Variants in TMEM101 observed in about 807,000 individuals in gnomAD.
TMEM101 encodes the protein transmembrane protein 101.
Under a neutral mutation model 26.0 loss-of-function variants are expected in TMEM101, and 14 were observed. That is an observed-to-expected ratio of 0.54 (90% CI 0.36 to 0.84). The LOEUF is 0.84. Ranked by LOEUF, TMEM101 falls within the 40% of genes least tolerant of loss-of-function variation. The pLI is 0.01. For synonymous variants in TMEM101, 152 were observed against 145.1 expected (o/e 1.05, Z -0.34); for missense variants, 292 against 345.1 (o/e 0.85, Z 1.22).
chr17:44,014,976 G>A (rs199599159), upstream of TMEM101: 7 of 1,590,228 alleles, frequency 4.4e-6, no homozygotes, highest in East Asian at 4.5e-5. Flanking sequence ...AGTCCGCTGC[G>A]GCCTCACCCC....
At chr17:44,019,184 C>T, upstream of TMEM101, 3 of 253,810 alleles carry the variant, frequency 1.2e-5, no homozygotes, top group South Asian at 1.1e-4. Context: ...ATATAGTAAG[C>T]AAGTTGCAAT....
At chr17:44,013,236 T>G (rs1328408189) in intron 2 of TMEM101, 81 bp from the exon 3 acceptor site, 39 of 1,288,992 alleles carry the variant, frequency 3.0e-5, no homozygotes, top group Non-Finnish European at 3.9e-5. Context: ...GAACCACCCC[T>G]CTCTACACAT....
chr17:44,019,941 G>C (rs2144036054), upstream of TMEM101, among the ~76,000 whole-genome samples: 1 of 152,338 alleles, frequency 6.6e-6, no homozygotes, highest in South Asian at 2.1e-4. Context: ...GCTGCAGTAA[G>C]CAAACCTAAT....
exon 2 of TMEM101, chr17:44,021,381 G>C (rs200018607): frequency 6.6e-6 from 1 of 152,158 alleles, no homozygotes; most frequent in Non-Finnish European, 1.5e-5. Flanking sequence ...CCGCATTCAA[G>C]TTTGCAGTTA....
chr17:44,017,751 G>A (rs1263535167), upstream of TMEM101, among the ~76,000 whole-genome samples: 3 of 141,974 alleles, frequency 2.1e-5, no homozygotes, highest in Non-Finnish European at 3.1e-5. Context: ...CGACAAGAGC[G>A]AAACTCTTGT....
chr17:44,012,673 G>A (rs766111096), intron 3 of TMEM101: 54 of 411,750 alleles, frequency 1.3e-4, no homozygotes, highest in Non-Finnish European at 2.2e-4. Flanking sequence ...GTCCCAGCTG[G>A]GGCCTGACCC....
rs2049175048 is a variant in TMEM101, at chr17:44,012,583, C to T, written c.466-347G>A. 7 of 398,402 alleles carry T rather than the reference C, an allele frequency of 1.8e-5. No individual in the cohort carries two copies. In the Admixed American group the frequency reaches 2.4e-4, roughly 14 times the overall value. The allele number at this position is 398,402 out of a possible 1,614,324, so 24.7% of individuals were successfully genotyped here. A position where few individuals can be genotyped will look rare whatever the true frequency, so the allele number is the denominator to read the frequency against. ...AATGGCCTGGCGCCTGTCCATGTCTCCAGTCACCCTGGCCTCCCCTAGCAC... is the reference window on the plus strand; with the variant it reads ...AATGGCCTGGCGCCTGTCCATGTCTTCAGTCACCCTGGCCTCCCCTAGCAC... On this transcript the variant is annotated intron_variant, in intron 3 of 3. Coordinates refer to ENST00000206380, the MANE Select transcript of TMEM101 (RefSeq NM_032376.4).
chr17:44,017,847 A>C (rs2049249592), upstream of TMEM101, among the ~76,000 whole-genome samples: 1 of 151,970 alleles, frequency 6.6e-6, no homozygotes, highest in Admixed American at 6.6e-5. Flanking sequence ...ACCGGCCACT[A>C]GGGTCGGGCA....
At chr17:44,017,316 T>C (rs113342824), upstream of TMEM101, among the ~76,000 whole-genome samples, 1,899 of 151,350 alleles carry the variant, frequency 0.013, 38 homozygotes, top group African/African-American at 0.043. Context: ...TACAAAAAAT[T>C]AGGCTGGGCA....
chr17:44,019,545 T>C (rs375201915), upstream of TMEM101: 38 of 168,522 alleles, frequency 2.3e-4, 1 homozygote, highest in East Asian at 4.1e-3. Context: ...CTGTTGTTTT[T>C]CAATAACTAA....
Position 44,011,868 on chromosome 17 carries a change from A to G in TMEM101, c.*60T>C. ...ATAAACAGCAGCTGGGCCAGCAAGG[A>G]GGAAGGCAGGGTGACCCTCAGTGGC... is the stretch of plus-strand genomic sequence containing the variant. On this transcript the variant is annotated 3_prime_UTR_variant, in exon 4 of 4. Transcript: ENST00000206380. The G allele has an allele frequency of 6.8e-7, 1 of 1,479,780 alleles. No homozygotes were observed. The highest frequency in any genetic ancestry group is 2.3e-5 in the East Asian group (1 of 43,852). 91.7% of individuals were successfully genotyped at this position (1,479,780 alleles called of 1,614,324 possible).
rs756576191 is a variant in TMEM101 at position 44,011,883 on chromosome 17, C to A, written c.*45G>T. 1 of 1,546,306 alleles carries A rather than the reference C, an allele frequency of 6.5e-7. No homozygotes were observed. The highest frequency in any genetic ancestry group is 8.8e-7 in the Non-Finnish European group (1 of 1,137,062). ...GCCAGCAAGGAGGAAGGCAGGGTGACCCTCAGTGGCTCCCTGTGCCCATCT... is the reference window on the plus strand; with the variant it reads ...GCCAGCAAGGAGGAAGGCAGGGTGAACCTCAGTGGCTCCCTGTGCCCATCT... On this transcript the variant is annotated 3_prime_UTR_variant, in exon 4 of 4. Transcript: ENST00000206380.
At chr17:44,017,772 A>AG (rs2049248851), upstream of TMEM101, among the ~76,000 whole-genome samples, 1 of 151,284 alleles carries the variant, frequency 6.6e-6, no homozygotes, top group Admixed American at 6.6e-5. Flanking sequence ...CTCAAAAAAA[A>AG]AAAAAAATTC....
chr17:44,018,747 C>T (rs1283495773), upstream of TMEM101, among the ~76,000 whole-genome samples: 1 of 152,208 alleles, frequency 6.6e-6, no homozygotes, highest in Non-Finnish European at 1.5e-5. Context: ...CCAATCAAGT[C>T]TCCAGCAGCA....
intron 2 of TMEM101, among the ~76,000 whole-genome samples, chr17:44,020,583 G>A (rs1040918863): frequency 6.6e-6 from 1 of 152,262 alleles, no homozygotes; most frequent in African/African-American, 2.4e-5. Flanking sequence ...TTAGCCAGGC[G>A]TGGCGACATG....
intron 1 of TMEM101, among the ~76,000 whole-genome samples, chr17:44,021,875 A>T (rs2049288652): frequency 6.6e-6 from 1 of 152,142 alleles, no homozygotes; most frequent in Non-Finnish European, 1.5e-5. Context: ...TCCAGGTCCA[A>T]AACTCCAAAG....
At chr17:44,014,299 T>A in intron 2 of TMEM101, 58 bp downstream of exon 2, 1 of 1,518,598 alleles carries the variant, frequency 6.6e-7, no homozygotes, top group Non-Finnish European at 8.9e-7. Flanking sequence ...GCCCTGGGCA[T>A]TGGCCTCTGA....
In TMEM101 at chr17:44,014,838, C is replaced by T. The variant is rs1173386721; in HGVS notation, c.115G>A (p.Ala39Thr). ...CACCGGCGTGCCTCAGCCCTCTCAG[C>T]GTACAGCATGAGCTGGCTGAAGCAG... Reference protein sequence around the residue: ...WGCFSQLMLYAERAEARRKPD... With the variant: ...WGCFSQLMLYTERAEARRKPD... The change falls in exon 1 of 4, where the codon GCT becomes ACT. Residue 39 changes from alanine to threonine, a missense_variant. By Grantham distance (58) the Ala-to-Thr change is moderately conservative (BLOSUM62 0). Transcript: ENST00000206380. 1.9e-6 allele frequency: 3 copies of T among 1,606,560 alleles called. No homozygotes were observed. The highest frequency in any genetic ancestry group is 2.6e-6 in the Non-Finnish European group (3 of 1,175,832).
chr17:44,021,836 G>C (rs1311487887), intron 1 of TMEM101, among the ~76,000 whole-genome samples: 1 of 152,178 alleles, frequency 6.6e-6, no homozygotes, highest in Non-Finnish European at 1.5e-5. Flanking sequence ...TCTTGAAAGG[G>C]GTATAAGCTT....
Sources: allele counts gnomAD v4.1 joint callset (sites outside exome capture counted in the v4.1 genomes callset), GRCh38; gene constraint gnomAD v4.1.1; transcripts MANE v1.5; gene names NCBI Gene and HGNC (gene_info 2026-07-23, HGNC 2026-07-21).